The following CDK3 variants were observed in gnomAD, a reference collection of about 807,000 sequenced individuals.
CDK3 encodes cyclin dependent kinase 3, also known as cyclin-dependent kinase 3.
Under a neutral mutation model 30.2 loss-of-function variants are expected in CDK3, and 24 were observed. The observed-to-expected ratio is 0.79, with a 90% confidence interval of 0.57 to 1.12. The LOEUF (loss-of-function observed/expected upper bound fraction) is 1.12, where lower values mean the gene tolerates loss of function less well. Among genes scored for constraint, CDK3 ranks in the 50% most tolerant of loss-of-function variants. The pLI is 0.00. For missense variants in CDK3, 345 were observed against 376.0 expected, an observed-to-expected ratio of 0.92 and a Z score of 0.68; for synonymous variants, 158 against 154.2, an observed-to-expected ratio of 1.02 and a Z score of -0.18.
chr17:76,003,209 C>T lies in CDK3; in HGVS notation c.603C>T (p.Ala201=). ...CCCCATTTCAGGTGACTCGAAAAGC[C>T]CTGTTTCCTGGTGACTCTGAGATTG... The part of the protein sequence containing the change: ...CIFAEMVTRK[A]LFPGDSEIDQ... The change falls in exon 7 of 8, where the codon GCC becomes GCT. Residue 201 remains alanine (A), a synonymous_variant. Transcript: ENST00000448471. 6.2e-7 allele frequency: 1 copy of T among 1,614,176 alleles called. No homozygotes were observed. The highest frequency in any genetic ancestry group is 8.5e-7 in the Non-Finnish European group (1 of 1,180,034).
At position 76,002,314 on chromosome 17, in the gene CDK3, C is replaced by T. The variant is rs1041369601; in HGVS notation, c.382C>T (p.Leu128=). 3 of 1,612,552 alleles carry T rather than the reference C, an allele frequency of 1.9e-6. No homozygotes were observed. The African/African-American group carries it at 4.0e-5, about 22-fold the overall frequency. ...CTCACATCGGGTCATCCACCGAGAC[C>T]TGAAGCCCCAGAACCTGCTCATCAA... ...CHSHRVIHRD[L]KPQNLLINEL... The change falls in exon 5 of 8, where the codon CTG becomes TTG. Residue 128 remains leucine (L), a synonymous_variant. Transcript: ENST00000448471. The surrounding 1 kb of genome is among the most constrained non-coding windows in gnomAD (Gnocchi z 4.3).
Position 76,001,690 on chromosome 17 carries a change from C to T in CDK3, c.116+149C>T. ...ACCTGTCCTCTCCCCAGTTCACTGC[C>T]TTCTGACCAGCCTTTGCCGGGGCCC... is the stretch of plus-strand genomic sequence containing the variant. On this transcript the variant is annotated intron_variant, in intron 2 of 7. Coordinates refer to ENST00000448471, the MANE Select transcript of CDK3 (RefSeq NM_001258.4). This position sits in a 1 kb window ranked among gnomAD's most constrained non-coding sequence, Gnocchi z 6.2. 1.1e-6 allele frequency: 1 copy of T among 887,004 alleles called. No homozygotes were observed. The highest frequency in any genetic ancestry group is 1.7e-6 in the Non-Finnish European group (1 of 581,284). The allele number at this position is 887,004 out of a possible 1,614,324, so 54.9% of individuals were successfully genotyped here.
rs764342540 is a variant in CDK3 at position 76,003,268 on chromosome 17, C to T, written c.662C>T (p.Thr221Ile). The part of the protein sequence containing the change: ...QLFRIFRMLG[T>I]PSEDTWPGVT... ...TTTCGTATCTTTCGTATGCTGGGGA[C>T]ACCCAGCGAAGACACATGGCCCGGG... The change falls in exon 7 of 8, where the codon ACA (threonine) becomes ATA (isoleucine). Residue 221 changes from threonine to isoleucine, a missense_variant. Physicochemically the swap from Thr to Ile is moderately conservative, Grantham distance 89. Coordinates refer to ENST00000448471, the MANE Select transcript of CDK3 (RefSeq NM_001258.4). 7 of 1,614,044 alleles carry T rather than the reference C, an allele frequency of 4.3e-6. 1 individual carries two copies. Among genetic ancestry groups the T allele is most frequent in the Middle Eastern group, 1.6e-4 (1 of 6,062 alleles).
In CDK3 at chr17:76,002,956, G is replaced by A. The variant is rs188095981; in HGVS notation, c.589-239G>A. On this transcript the variant is annotated intron_variant, in intron 6 of 7. Coordinates refer to ENST00000448471, the MANE Select transcript of CDK3 (RefSeq NM_001258.4). The surrounding 1 kb of genome is among the most constrained non-coding windows in gnomAD (Gnocchi z 4.3). ...AGGCTGCAGTGAGCTGTGATCGCAC[G>A]ACTGCACTCTAGCCTGGGTGACAGA... The A allele has an allele frequency of 3.7e-5, 21 of 570,892 alleles. No homozygotes were observed. In the East Asian group the frequency reaches 4.2e-4, roughly 11 times the overall value. The allele number at this position is 570,892 out of a possible 1,614,324, so 35.4% of individuals were successfully genotyped here. A position where few individuals can be genotyped will look rare whatever the true frequency, so the allele number is the denominator to read the frequency against.
rs1049810168 is a variant in CDK3 at position 76,002,548 on chromosome 17, T to G, written c.524T>G (p.Leu175Trp). Residue 175 changes from leucine (L) to tryptophan (W), a missense_variant, in exon 6 of 8, where the codon TTG becomes TGG. Transcript: ENST00000448471. This position sits in a 1 kb window ranked among gnomAD's most constrained non-coding sequence, Gnocchi z 4.3. ...TGGTATCGCGCCCCCGAGATTCTCT[T>G]GGGCAGCAAGTTCTATACCACAGCT... Reference protein sequence around the residue: ...TLWYRAPEILLGSKFYTTAVD... With the variant: ...TLWYRAPEILWGSKFYTTAVD... The G allele has an allele frequency of 9.5e-7, 1 of 1,049,276 alleles. No homozygotes were observed. 65.0% of individuals were successfully genotyped at this position (1,049,276 alleles called of 1,614,324 possible). A position where few individuals can be genotyped will look rare whatever the true frequency, so the allele number is the denominator to read the frequency against.
rs949813280 is a variant in CDK3, at chr17:76,002,572, C to A, written c.548C>A (p.Ala183Asp). ...ILLGSKFYTT[A>D]VDIWSIGCIF... The stretch of plus-strand genomic sequence containing the variant: ...TTGGGCAGCAAGTTCTATACCACAG[C>A]TGTGGATATCTGGAGCATTGGTTGC... Residue 183 changes from alanine to aspartate, a missense_variant, in exon 6 of 8, where the codon GCT (alanine) becomes GAT (aspartate). Transcript: ENST00000448471. The surrounding 1 kb of genome is among the most constrained non-coding windows in gnomAD (Gnocchi z 4.3). The A allele has an allele frequency of 5.7e-6, 5 of 870,542 alleles. No homozygotes were observed. In the African/African-American group the frequency reaches 8.2e-5, roughly 14 times the overall value. The allele number at this position is 870,542 out of a possible 1,614,324, so 53.9% of individuals were successfully genotyped here.
Position 76,002,441 on chromosome 17 carries a change from GA to G in CDK3, c.486+24del, listed in dbSNP as rs879871234. 9 of 1,612,124 alleles carry G rather than the reference GA, an allele frequency of 5.6e-6. No homozygotes were observed. Among genetic ancestry groups the G allele is most frequent in the Non-Finnish European group, 6.8e-6 (8 of 1,179,584 alleles). ...GAGGTATTGTGAGACAAAGAGGAGA[GA>G]GGGGCAGCAGGAGGAGTGTCACCCA... is the stretch of plus-strand genomic sequence containing the variant. On this transcript the variant is annotated intron_variant, in intron 5 of 7. Transcript: ENST00000448471. This position sits in a 1 kb window ranked among gnomAD's most constrained non-coding sequence, Gnocchi z 4.3.
chr17:76,004,243 G>C (rs147395506), intron 7 of CDK3, among the ~76,000 whole-genome samples: 922 of 12,112 alleles, frequency 0.076, 12 homozygotes, highest in African/African-American at 0.39. Flanking sequence ...TTTTGAGACA[G>C]GGTCTCAGTC....
chr17:76,003,120 CT>C (rs2066276900), intron 6 of CDK3, 74 bp from the exon 7 acceptor site: 2 of 1,242,620 alleles, frequency 1.6e-6, no homozygotes, highest in Admixed American at 3.5e-5. Context: ...CTCCCTGGGT[CT>C]GGCCACTTAT....
rs748213708 is a variant in CDK3, at chr17:76,001,361, CG to C, written c.-14-48del. 1 of 1,608,908 alleles carries C rather than the reference CG, an allele frequency of 6.2e-7. No individual in the cohort carries two copies. On this transcript the variant is annotated intron_variant, in intron 1 of 7. Coordinates refer to ENST00000448471, the MANE Select transcript of CDK3 (RefSeq NM_001258.4). The surrounding 1 kb of genome is among the most constrained non-coding windows in gnomAD (Gnocchi z 6.2). Reference sequence around the variant, plus strand: ...CGCCACATGGAAGCTGGAGGAGCAACGGGAGCGCTGGGCGTGGGGTGCAAAT... The same window carrying C: ...CGCCACATGGAAGCTGGAGGAGCAACGGAGCGCTGGGCGTGGGGTGCAAAT...
At position 76,001,959 on chromosome 17, in the gene CDK3, G is replaced by A. The variant is rs145098458; in HGVS notation, c.194+8G>A. On this transcript the variant is annotated splice_region_variant and intron_variant, in intron 3 of 7. Transcript: ENST00000448471. This position sits in a 1 kb window ranked among gnomAD's most constrained non-coding sequence, Gnocchi z 6.2. ...GCACCCCAACATCGTCCGGTGAGTT[G>A]GGGATTGAGGTGGGGAAGCTGGGAT... is the stretch of plus-strand genomic sequence containing the variant. The A allele has an allele frequency of 2.7e-5, 44 of 1,613,900 alleles. No individual in the cohort carries two copies. The East Asian group carries it at 8.9e-4, about 33-fold the overall frequency.
rs1292556504 is a variant in CDK3 at position 76,005,341 on chromosome 17, C to G, written c.836C>G (p.Thr279Ser). The change falls in exon 8 of 8, where the codon ACT (threonine) becomes AGT (serine). Residue 279 changes from threonine to serine, a missense_variant. Transcript: ENST00000448471. The surrounding 1 kb of genome is among the most constrained non-coding windows in gnomAD (Gnocchi z 4.7). ...YDPSQRITAKTALAHPYFSSP... is the reference protein window; with the variant it reads ...YDPSQRITAKSALAHPYFSSP... ...CCCAGCCAGCGGATCACAGCCAAGA[C>G]TGCCCTGGCCCACCCGTACTTCTCA... is the stretch of plus-strand genomic sequence containing the variant. 13 of 1,614,184 alleles carry G rather than the reference C, an allele frequency of 8.1e-6. No individual in the cohort carries two copies. Among genetic ancestry groups the G allele is most frequent in the South Asian group, 5.5e-5 (5 of 91,086 alleles).
In CDK3 at chr17:76,001,352, G is replaced by A; in HGVS notation, c.-14-60G>A. 1 of 1,605,802 alleles carries A rather than the reference G, an allele frequency of 6.2e-7. No homozygotes were observed. The highest frequency in any genetic ancestry group is 2.2e-5 in the East Asian group (1 of 44,692). ...TGGGCAGGGCGCCACATGGAAGCTG[G>A]AGGAGCAACGGGAGCGCTGGGCGTG... On this transcript the variant is annotated intron_variant, in intron 1 of 7. Transcript: ENST00000448471. The surrounding 1 kb of genome is among the most constrained non-coding windows in gnomAD (Gnocchi z 6.2).
At chr17:76,004,955 CCACT>C (rs2066298774) in intron 7 of CDK3, among the ~76,000 whole-genome samples, 1 of 152,076 alleles carries the variant, frequency 6.6e-6, no homozygotes, top group Non-Finnish European at 1.5e-5. Context: ...CCCTGAGCCC[CCACT>C]CAGTGTTCCT....
In CDK3 at chr17:76,002,944, C is replaced by A; in HGVS notation, c.589-251C>A. 1 of 560,718 alleles carries A rather than the reference C, an allele frequency of 1.8e-6. No homozygotes were observed. Among genetic ancestry groups the A allele is most frequent in the Non-Finnish European group, 3.2e-6 (1 of 313,884 alleles). The allele number at this position is 560,718 out of a possible 1,614,324, so 34.7% of individuals were successfully genotyped here. A position where few individuals can be genotyped will look rare whatever the true frequency, so the allele number is the denominator to read the frequency against. On this transcript the variant is annotated intron_variant, in intron 6 of 7. Coordinates refer to ENST00000448471, the MANE Select transcript of CDK3 (RefSeq NM_001258.4). The surrounding 1 kb of genome is among the most constrained non-coding windows in gnomAD (Gnocchi z 4.3). ...AGCCTGTGGTTGAGGCTGCAGTGAG[C>A]TGTGATCGCACGACTGCACTCTAGC...
Position 76,005,938 on chromosome 17 carries a change from A to G in CDK3, c.*515A>G, listed in dbSNP as rs1442906091. The G allele has an allele frequency of 6.5e-6, 1 of 153,858 alleles. No homozygotes were observed. Among genetic ancestry groups the G allele is most frequent in the African/African-American group, 2.4e-5 (1 of 41,448 alleles). 9.5% of individuals were successfully genotyped at this position (153,858 alleles called of 1,614,324 possible). A position where few individuals can be genotyped will look rare whatever the true frequency, so the allele number is the denominator to read the frequency against. On this transcript the variant is annotated 3_prime_UTR_variant, in exon 8 of 8. Coordinates refer to ENST00000448471, the MANE Select transcript of CDK3 (RefSeq NM_001258.4). This position sits in a 1 kb window ranked among gnomAD's most constrained non-coding sequence, Gnocchi z 4.7. ...ATAAGGAGTTGTTCCTTCACCTGAG[A>G]TGTGCTTCTTTTGGTTCATTTCTGG... is the stretch of plus-strand genomic sequence containing the variant.
In CDK3 at chr17:76,001,907, G is replaced by A. The variant is rs905106496; in HGVS notation, c.150G>A (p.Arg50=). 3 of 1,613,770 alleles carry A rather than the reference G, an allele frequency of 1.9e-6. No homozygotes were observed. Among genetic ancestry groups the A allele is most frequent in the East Asian group, 2.2e-5 (1 of 44,854 alleles). Residue 50 remains arginine (R), a synonymous_variant, in exon 3 of 8, where the codon AGG becomes AGA. Coordinates refer to ENST00000448471, the MANE Select transcript of CDK3 (RefSeq NM_001258.4). This position sits in a 1 kb window ranked among gnomAD's most constrained non-coding sequence, Gnocchi z 6.2. ...EMEGVPSTAI[R]EISLLKELKH... ...AGGGGGTCCCAAGCACTGCCATCAG[G>A]GAGATCTCGCTGCTCAAGGAACTGA...
At position 76,001,813 on chromosome 17, in the gene CDK3, G is replaced by A. The variant is rs1598221159; in HGVS notation, c.117-61G>A. 7 of 1,509,508 alleles carry A rather than the reference G, an allele frequency of 4.6e-6. No homozygotes were observed. The African/African-American group carries it at 9.6e-5, about 21-fold the overall frequency. The allele number at this position is 1,509,508 out of a possible 1,614,324, so 93.5% of individuals were successfully genotyped here. Reference sequence around the variant, plus strand: ...GGGTTAAGGAGAAGCCGATCCCCCTGGCTGGAAGTGCCCTTCTTGGCCCAA... The same window carrying A: ...GGGTTAAGGAGAAGCCGATCCCCCTAGCTGGAAGTGCCCTTCTTGGCCCAA... On this transcript the variant is annotated intron_variant, in intron 2 of 7. Coordinates refer to ENST00000448471, the MANE Select transcript of CDK3 (RefSeq NM_001258.4). This position sits in a 1 kb window ranked among gnomAD's most constrained non-coding sequence, Gnocchi z 6.2.
chr17:76,001,179 A>C lies in CDK3; in HGVS notation c.-15+212A>C. 5.2e-6 allele frequency: 7 copies of C among 1,336,988 alleles called. No individual in the cohort carries two copies. Among genetic ancestry groups the C allele is most frequent in the African/African-American group, 1.5e-5 (1 of 66,366 alleles). 82.8% of individuals were successfully genotyped at this position (1,336,988 alleles called of 1,614,324 possible). ...GTCCTGGCTGAACTGGGCTGGGTGA[A>C]GGGGGCCCCCTGACCCCCTTGGGGT... is the stretch of plus-strand genomic sequence containing the variant. On this transcript the variant is annotated intron_variant, in intron 1 of 7. Coordinates refer to ENST00000448471, the MANE Select transcript of CDK3 (RefSeq NM_001258.4). This position sits in a 1 kb window ranked among gnomAD's most constrained non-coding sequence, Gnocchi z 6.2.
Sources: gnomAD v4.1 joint callset for allele counts (sites outside exome capture counted in the v4.1 genomes callset) on GRCh38, gnomAD v4.1.1 for gene constraint, Gnocchi (gnomAD v3.1) non-coding constraint, MANE v1.5 for transcripts, NCBI Gene and HGNC (gene_info 2026-07-23, HGNC 2026-07-21) for gene names.